DLL1: variants seen among roughly 807,000 people sequenced by gnomAD.
The protein encoded by DLL1 is delta like canonical Notch ligand 1, also known as delta-like protein 1.
In DLL1, 9 loss-of-function variants were observed where a neutral mutation model predicts 75.1. That is an observed-to-expected ratio of 0.12 (90% CI 0.07 to 0.21). The LOEUF is 0.21. Among genes scored for constraint, DLL1 ranks in the 10% least tolerant of loss-of-function variants. The probability of loss-of-function intolerance (pLI) is 1.00; values close to 1 mark genes in which losing one functional copy is unlikely to be tolerated. For synonymous variants in DLL1, 477 were observed against 418.3 expected (o/e 1.14, Z -1.71); for missense variants, 837 against 1,007.6 (o/e 0.83, Z 2.29).
intron 1 of DLL1, 71 bp from the exon 2 acceptor site, chr6:170,289,879 G>T (rs954051109): frequency 6.7e-7 from 1 of 1,482,754 alleles, no homozygotes; most frequent in African/African-American, 1.4e-5. Flanking sequence ...GCCTGGGTGG[G>T]GGGTGTGCGG....
Position 170,288,447 on chromosome 6 carries a change from C to T in DLL1, c.462G>A (p.Thr154=), listed in dbSNP as rs1440918179. Residue 154 remains threonine (T), a synonymous_variant, in exon 4 of 11, where the codon ACG becomes ACA. Transcript: ENST00000366756. The stretch of plus-strand genomic sequence containing the variant: ...GGTCCTGGGACCACTCCTCGCCCAC[C>T]GTCAGGTGCCTCTGGGTGGCCAGGC... ...ISRLATQRHL[T]VGEEWSQDLH... 1 of 1,614,070 alleles carries T rather than the reference C, an allele frequency of 6.2e-7. No individual in the cohort carries two copies. Among genetic ancestry groups the T allele is most frequent in the Non-Finnish European group, 8.5e-7 (1 of 1,180,032 alleles).
chr6:170,284,804 G>A (rs1783658543), intron 8 of DLL1, 115 bp downstream of exon 8: 9 of 1,088,428 alleles, frequency 8.3e-6, no homozygotes, highest in Non-Finnish European at 1.3e-5. Context: ...ATTCCTGGCG[G>A]TCTGGATAAA....
Position 170,285,674 on chromosome 6 carries a change from A to G in DLL1, c.757T>C (p.Tyr253His). Reference protein sequence around the residue: ...CKCRVGWQGRYCDECIRYPGC... With the variant: ...CKCRVGWQGRHCDECIRYPGC... ...GGATAGCGGATACACTCGTCACAGT[A>G]CCGGCCCTGCCAGCCCACTCTGCAC... The change falls in exon 6 of 11, where the codon TAC becomes CAC. Residue 253 changes from tyrosine (Y) to histidine (H), a missense_variant. Coordinates refer to ENST00000366756, the MANE Select transcript of DLL1 (RefSeq NM_005618.4). 7 of 1,614,022 alleles carry G rather than the reference A, an allele frequency of 4.3e-6. No individual in the cohort carries two copies. The highest frequency in any genetic ancestry group is 5.9e-6 in the Non-Finnish European group (7 of 1,180,036).
Position 170,290,751 on chromosome 6 carries a change from C to G in DLL1, c.-612G>C, listed in dbSNP as rs983743048. 3.2e-4 allele frequency: 145 copies of G among 457,172 alleles called. 1 individual carries two copies. The highest frequency in any genetic ancestry group is 5.5e-5 in the Non-Finnish European group (14 of 254,476). The allele number at this position is 457,172 out of a possible 1,614,324, so 28.3% of individuals were successfully genotyped here. A position where few individuals can be genotyped will look rare whatever the true frequency, so the allele number is the denominator to read the frequency against. On this transcript the variant is annotated 5_prime_UTR_variant, in exon 1 of 11. Coordinates refer to ENST00000366756, the MANE Select transcript of DLL1 (RefSeq NM_005618.4). This position sits in a 1 kb window ranked among gnomAD's most constrained non-coding sequence, Gnocchi z 4.7. ...CCGGGAGCACTCCGGGCTCCGATCT[C>G]CGGTGTCACAGCAAAGATCCGCGTC... is the stretch of plus-strand genomic sequence containing the variant.
rs1783684766 is a variant in DLL1 at position 170,285,807 on chromosome 6, C to G, written c.732-108G>C. 6 of 1,505,022 alleles carry G rather than the reference C, an allele frequency of 4.0e-6. No individual in the cohort carries two copies. In the East Asian group the frequency reaches 1.1e-4, roughly 29 times the overall value. 93.2% of individuals were successfully genotyped at this position (1,505,022 alleles called of 1,614,324 possible). ...CCGCAGCACCAGTGAGCCTCTGGTT[C>G]TCCAGATTAGCAGAACACTGGGTCA... On this transcript the variant is annotated intron_variant, in intron 5 of 10. Coordinates refer to ENST00000366756, the MANE Select transcript of DLL1 (RefSeq NM_005618.4).
chr6:170,286,349 C>G (rs773269711), intron 4 of DLL1, 51 bp from the exon 5 acceptor site: 4 of 1,609,068 alleles, frequency 2.5e-6, no homozygotes, highest in Non-Finnish European at 3.4e-6. Flanking sequence ...TACGTCCCAA[C>G]AGGGCTGCCG....
intron 5 of DLL1, 100 bp from the exon 6 acceptor site, chr6:170,285,799 C>T: frequency 6.5e-7 from 1 of 1,534,812 alleles, no homozygotes. Flanking sequence ...ACCAGTGAGC[C>T]TCTGGTTCTC....
intron 8 of DLL1, among the ~76,000 whole-genome samples, chr6:170,284,430 G>A (rs1227692760): frequency 6.6e-6 from 1 of 152,126 alleles, no homozygotes; most frequent in African/African-American, 2.4e-5. Flanking sequence ...AGGGAGGGAG[G>A]GGAAGGATGA....
At chr6:170,287,557 A>C (rs773977675) in intron 4 of DLL1, among the ~76,000 whole-genome samples, 2 of 152,180 alleles carry the variant, frequency 1.3e-5, no homozygotes, top group Non-Finnish European at 1.5e-5. Context: ...TTGACACATC[A>C]ATACCTAATA....
In DLL1 at chr6:170,289,806, G is replaced by A. The variant is rs13208219; in HGVS notation, c.57C>T (p.Val19=). 2 of 1,556,220 alleles carry A rather than the reference G, an allele frequency of 1.3e-6. No individual in the cohort carries two copies. Among genetic ancestry groups the A allele is most frequent in the South Asian group, 2.4e-5 (2 of 84,660 alleles). Reference sequence around the variant, plus strand: ...TCAGTTCGAACACCCCAGAGCTCCAGACCTGCACGGGGGAGGGCGGGGGCG... The same window carrying A: ...TCAGTTCGAACACCCCAGAGCTCCAAACCTGCACGGGGGAGGGCGGGGGCG... ...LAVLSALLCQ[V]WSSGVFELKL... Residue 19 remains valine (V), a splice_region_variant and synonymous_variant, in exon 2 of 11, where the codon GTC becomes GTT. Coordinates refer to ENST00000366756, the MANE Select transcript of DLL1 (RefSeq NM_005618.4).
At chr6:170,286,881 C>T (rs368393941) in intron 4 of DLL1, among the ~76,000 whole-genome samples, 101 of 152,308 alleles carry the variant, frequency 6.6e-4, no homozygotes, top group Non-Finnish European at 1.2e-3. Context: ...CGCCTATCCC[C>T]GGAGAGATCT....
chr6:170,288,289 C>G lies in DLL1; in HGVS notation c.620G>C (p.Arg207Pro). 6.2e-7 allele frequency: 1 copy of G among 1,614,074 alleles called. No individual in the cohort carries two copies. Among genetic ancestry groups the G allele is most frequent in the African/African-American group, 1.3e-5 (1 of 75,070 alleles). The change falls in exon 4 of 11, where the codon CGT becomes CCT. Residue 207 changes from arginine to proline, a missense_variant. By Grantham distance (103) the Arg-to-Pro change is moderately radical (BLOSUM62 -2). Around this residue, in one of 2 missense-constraint regions of DLL1, gnomAD observed 304 missense variants for 461.9 expected, o/e 0.66. Transcript: ENST00000366756. ...GCCAGGGTTGCACACTTTCTCCCCA[C>G]GCTCCCCACAGGTGAAGTGGCCGAA... The part of the protein sequence containing the change: ...DAFGHFTCGE[R>P]GEKVCNPGWK...
In DLL1 at chr6:170,290,483, C is replaced by A; in HGVS notation, c.-344G>T. On this transcript the variant is annotated 5_prime_UTR_variant, in exon 1 of 11. Transcript: ENST00000366756. The surrounding 1 kb of genome is among the most constrained non-coding windows in gnomAD (Gnocchi z 4.7). ...GCCGGCTTCCTGGTTTTGTCTTGAG[C>A]TTCTTCGCAGGAGAGGGAGGGGGAG... is the stretch of plus-strand genomic sequence containing the variant. The A allele has an allele frequency of 3.1e-6, 1 of 322,324 alleles. No individual in the cohort carries two copies. Among genetic ancestry groups the A allele is most frequent in the Non-Finnish European group, 5.6e-6 (1 of 178,430 alleles). 20.0% of individuals were successfully genotyped at this position (322,324 alleles called of 1,614,324 possible).
chr6:170,286,194 C>T (rs369821811), intron 5 of DLL1, 44 bp downstream of exon 5: 200 of 1,613,070 alleles, frequency 1.2e-4, no homozygotes, highest in Non-Finnish European at 1.7e-4. Context: ...GAAAAGATAA[C>T]AAGAAAAGGC....
chr6:170,284,537 G>C (rs533237457), intron 8 of DLL1, among the ~76,000 whole-genome samples: 1 of 152,316 alleles, frequency 6.6e-6, no homozygotes, highest in Admixed American at 6.5e-5. Flanking sequence ...GAGGCTCTCT[G>C]TCCTCACTCA....
Position 170,283,522 on chromosome 6 carries a change from TCCC to T in DLL1, c.1754_1756del (p.Gly585del). ...GGCCAGGTTGTTCATGGTCTCCGTC[TCCC>T]CCCGGCAGGGGTCGGCTGGGGGCCG... On this transcript the variant is annotated inframe_deletion, in exon 9 of 11. Transcript: ENST00000366756. 6.2e-7 allele frequency: 1 copy of T among 1,612,440 alleles called. No individual in the cohort carries two copies. The highest frequency in any genetic ancestry group is 2.2e-5 in the East Asian group (1 of 44,852).
At chr6:170,289,374 T>A (rs1783793650) in intron 2 of DLL1, 138 bp downstream of exon 2, 1 of 1,352,122 alleles carries the variant, frequency 7.4e-7, no homozygotes, top group Non-Finnish European at 1.0e-6. Context: ...GGGCCGCCGC[T>A]AGGCAGATCG....
rs138729943 is a variant in DLL1 at position 170,288,209 on chromosome 6, T to C, written c.670+30A>G. 3.5e-3 allele frequency: 5,710 copies of C among 1,613,498 alleles called. 16 individuals carry two copies. The highest frequency in any genetic ancestry group is 3.7e-3 in the Non-Finnish European group (4,411 of 1,180,012). On this transcript the variant is annotated intron_variant, in intron 4 of 10. Coordinates refer to ENST00000366756, the MANE Select transcript of DLL1 (RefSeq NM_005618.4). ...CGCGCGGTCCGTGTTCGTGGACGAG[T>C]GAGCCAGCGGTGCCTTCCCAGAGAC...
rs970667688 is a variant in DLL1, at chr6:170,283,068, A to G, written c.2086T>C (p.Cys696Arg). Reference sequence around the variant, plus strand: ...TACTTGGTGTCTTTTGAAGTTGAACAGCCCGAGTCCGGCCTTTTTCTTTCA... The same window carrying G: ...TACTTGGTGTCTTTTGAAGTTGAACGGCCCGAGTCCGGCCTTTTTCTTTCA... Reference protein sequence around the residue: ...ASERKRPDSGCSTSKDTKYQS... With the variant: ...ASERKRPDSGRSTSKDTKYQS... Residue 696 changes from cysteine (C) to arginine (R), a missense_variant, in exon 10 of 11, where the codon TGT becomes CGT. By Grantham distance (180) the Cys-to-Arg change is radical. Transcript: ENST00000366756. The G allele has an allele frequency of 6.2e-7, 1 of 1,614,150 alleles. No homozygotes were observed. Among genetic ancestry groups the G allele is most frequent in the Non-Finnish European group, 8.5e-7 (1 of 1,180,042 alleles).
Sources: allele counts gnomAD v4.1 joint callset (sites outside exome capture counted in the v4.1 genomes callset), GRCh38; gene constraint gnomAD v4.1.1; regional missense constraint gnomAD v4.1.1; non-coding constraint Gnocchi (gnomAD v3.1); transcripts MANE v1.5; gene names NCBI Gene and HGNC (gene_info 2026-07-23, HGNC 2026-07-21).